The following PRKAG2 variants were observed in gnomAD, a reference collection of about 807,000 sequenced individuals.
The protein encoded by PRKAG2 is 5'-AMP-activated protein kinase subunit gamma-2.
Under a neutral mutation model 69.6 loss-of-function variants are expected in PRKAG2, and 26 were observed. That is an observed-to-expected ratio of 0.37 (90% CI 0.27 to 0.52). The LOEUF (loss-of-function observed/expected upper bound fraction) is 0.52, where lower values mean the gene tolerates loss of function less well. Among genes scored for constraint, PRKAG2 ranks in the 20% least tolerant of loss-of-function variants. The pLI is 0.90. For missense variants in PRKAG2, 557 were observed against 740.0 expected, an observed-to-expected ratio of 0.75 and a Z score of 2.87; for synonymous variants, 293 against 285.0, an observed-to-expected ratio of 1.03 and a Z score of -0.28.
chr7:151,691,406 A>G (rs1208199904), intron 3 of PRKAG2, among the ~76,000 whole-genome samples: 1 of 152,078 alleles, frequency 6.6e-6, no homozygotes, highest in Non-Finnish European at 1.5e-5. Context: ...TGCAAAACAC[A>G]TATATGATAA....
intron 4 of PRKAG2, among the ~76,000 whole-genome samples, chr7:151,653,448 C>T (rs538600299): frequency 2.0e-4 from 30 of 152,080 alleles, no homozygotes; most frequent in Admixed American, 1.6e-3. Flanking sequence ...CCCACCGATA[C>T]GACAACCTGG....
chr7:151,839,525 C>T (rs958557148), intron 1 of PRKAG2, among the ~76,000 whole-genome samples: 1 of 152,228 alleles, frequency 6.6e-6, no homozygotes, highest in Non-Finnish European at 1.5e-5. Flanking sequence ...GTCTACAGTT[C>T]CAATGCTTTC....
chr7:151,681,646 T>A (rs1833904579), intron 3 of PRKAG2, among the ~76,000 whole-genome samples: 1 of 151,908 alleles, frequency 6.6e-6, no homozygotes, highest in Non-Finnish European at 1.5e-5. Context: ...TCTGGCCCCC[T>A]CTGCCCCTCA....
intron 3 of PRKAG2, among the ~76,000 whole-genome samples, chr7:151,688,044 C>CCCCCCCCCT (rs1835026992): frequency 9.9e-6 from 1 of 101,456 alleles, no homozygotes; most frequent in Non-Finnish European, 2.3e-5. Context: ...GAAATGAGGC[C>CCCCCCCCCT]CCCCCCCGGG....
chr7:151,646,535 A>G (rs1222343964), intron 4 of PRKAG2, among the ~76,000 whole-genome samples: 2 of 152,176 alleles, frequency 1.3e-5, no homozygotes, highest in South Asian at 2.1e-4. Context: ...GTATCCTGTG[A>G]CCTTGCTAAA....
At chr7:151,672,770 T>C (rs750199618) in intron 4 of PRKAG2, among the ~76,000 whole-genome samples, 1 of 152,144 alleles carries the variant, frequency 6.6e-6, no homozygotes, top group African/African-American at 2.4e-5. Context: ...TGTTTATCCA[T>C]TCACGACATT....
At chr7:151,686,985 A>T (rs2151513374) in intron 3 of PRKAG2, among the ~76,000 whole-genome samples, 1 of 152,354 alleles carries the variant, frequency 6.6e-6, no homozygotes, top group Non-Finnish European at 1.5e-5. Context: ...TCCTAAAAGG[A>T]ATCCGGAAAA....
In PRKAG2 at chr7:151,777,073, C is replaced by T. The variant is rs776230629; in HGVS notation, c.466+4079G>A. On this transcript the variant is annotated intron_variant, in intron 3 of 15. Transcript: ENST00000287878. The surrounding 1 kb of genome is among the most constrained non-coding windows in gnomAD (Gnocchi z 4.3). ...GGGTTGGGGGACTCACTCTCTGACTCCACCTGCCTGTCTCGGCCCCTGGCT... is the reference window on the plus strand; with the variant it reads ...GGGTTGGGGGACTCACTCTCTGACTTCACCTGCCTGTCTCGGCCCCTGGCT... Among the ~76,000 whole-genome samples the T allele has an allele frequency of 2.0e-5, 3 of 152,174 alleles. No homozygotes were observed. Among genetic ancestry groups the T allele is most frequent in the Non-Finnish European group, 4.4e-5 (3 of 68,016 alleles).
At position 151,632,078 on chromosome 7, in the gene PRKAG2, C is replaced by G. The variant is rs1585369730; in HGVS notation, c.745G>C (p.Glu249Gln). ...GGCGGGGCGCACTCACCTTCGTCCT[C>G]GAACTCCAGCTTCTCCAGCATGCCG... ...EAGMLEKLEFEDEAVEDSESG... is the reference protein window; with the variant it reads ...EAGMLEKLEFQDEAVEDSESG... The change falls in exon 5 of 16, where the codon GAG becomes CAG. Residue 249 changes from glutamate (E) to glutamine (Q), a missense_variant. This residue lies in a region of PRKAG2 where 352 missense variants were observed against 356.7 expected (regional missense o/e 0.99). Transcript: ENST00000287878. The surrounding 1 kb of genome is among the most constrained non-coding windows in gnomAD (Gnocchi z 4.2). 6 of 1,407,790 alleles carry G rather than the reference C, an allele frequency of 4.3e-6. No individual in the cohort carries two copies. The highest frequency in any genetic ancestry group is 5.6e-6 in the Non-Finnish European group (6 of 1,066,708). The allele number at this position is 1,407,790 out of a possible 1,614,324, so 87.2% of individuals were successfully genotyped here.
chr7:151,677,151 G>A lies in PRKAG2; in HGVS notation c.467-1514C>T, dbSNP rs550828267. Among the ~76,000 whole-genome samples the A allele has an allele frequency of 1.1e-4, 16 of 152,294 alleles. No homozygotes were observed. In the South Asian group the frequency reaches 1.7e-3, roughly 16 times the overall value. On this transcript the variant is annotated intron_variant, in intron 3 of 15. Coordinates refer to ENST00000287878, the MANE Select transcript of PRKAG2 (RefSeq NM_016203.4). ...ATGCATGGATTGTGTTCTAAGAGAA[G>A]CAGAATCTGGCTTTGGGTCTGATAT...
At chr7:151,737,344 T>TA (rs576477445) in intron 3 of PRKAG2, among the ~76,000 whole-genome samples, 11,443 of 143,088 alleles carry the variant, frequency 0.08, 562 homozygotes, top group East Asian at 0.17. Context: ...CCATCTCTAT[T>TA]AAAAAAAAAA....
intron 5 of PRKAG2, chr7:151,631,615 T>A (rs1289996647): frequency 2.2e-6 from 1 of 451,892 alleles, no homozygotes. Context: ...ACTTTCCCCA[T>A]TAAAAAAGAA....
In PRKAG2 at chr7:151,632,045, C is replaced by T. The variant is rs968636076; in HGVS notation, c.754+24G>A. 24 of 1,345,674 alleles carry T rather than the reference C, an allele frequency of 1.8e-5. No homozygotes were observed. Among genetic ancestry groups the T allele is most frequent in the African/African-American group, 6.0e-5 (4 of 66,378 alleles). 83.4% of individuals were successfully genotyped at this position (1,345,674 alleles called of 1,614,324 possible). A position where few individuals can be genotyped will look rare whatever the true frequency, so the allele number is the denominator to read the frequency against. On this transcript the variant is annotated intron_variant, in intron 5 of 15. Coordinates refer to ENST00000287878, the MANE Select transcript of PRKAG2 (RefSeq NM_016203.4). This position sits in a 1 kb window ranked among gnomAD's most constrained non-coding sequence, Gnocchi z 4.2. ...CGGCCGGGCCGTGGGAGCGCCGGGC[C>T]GGCAGCGGGCGGGGCGCACTCACCT...
At chr7:151,579,325 G>A (rs1174825139) in intron 6 of PRKAG2, among the ~76,000 whole-genome samples, 5 of 152,014 alleles carry the variant, frequency 3.3e-5, no homozygotes, top group Admixed American at 1.3e-4. Flanking sequence ...CCTGGCCAGG[G>A]GCATCTTTTA....
At chr7:151,684,770 C>T (rs544879327) in intron 3 of PRKAG2, among the ~76,000 whole-genome samples, 2 of 152,264 alleles carry the variant, frequency 1.3e-5, no homozygotes, top group South Asian at 2.1e-4. Flanking sequence ...TGAGCCCTCT[C>T]TGACAAGTTG....
chr7:151,709,521 G>A (rs1168024166), intron 3 of PRKAG2, among the ~76,000 whole-genome samples: 1 of 152,146 alleles, frequency 6.6e-6, no homozygotes, highest in Non-Finnish European at 1.5e-5. Context: ...TTGACACTGA[G>A]TGACCTGTGT....
chr7:151,669,309 C>T (rs1316463085), intron 4 of PRKAG2, among the ~76,000 whole-genome samples: 3 of 152,192 alleles, frequency 2.0e-5, no homozygotes, highest in Admixed American at 1.3e-4. Context: ...ACTCACATTA[C>T]ATGGCTTCTG....
In PRKAG2 at chr7:151,761,236, A is replaced by G. The variant is rs529971480; in HGVS notation, c.466+19916T>C. Among the ~76,000 whole-genome samples the G allele has an allele frequency of 3.3e-5, 5 of 152,318 alleles. No individual in the cohort carries two copies. The South Asian group carries it at 8.3e-4, about 25-fold the overall frequency. ...TACTAGCCCTTCCCCAAACTAAAAC[A>G]CCATTGCAAAACTAATGAGAGGCCG... On this transcript the variant is annotated intron_variant, in intron 3 of 15. Transcript: ENST00000287878.
At chr7:151,773,028 AGAGAGAGAGAGAG>A (rs1563639426) in intron 3 of PRKAG2, among the ~76,000 whole-genome samples, 3,758 of 50,314 alleles carry the variant, frequency 0.075, 287 homozygotes, top group Non-Finnish European at 0.087. Flanking sequence ...AAAGAAAGAG[AGAGAGAGAGAGAG>A]AGAGAGAGAG....
Sources: gnomAD v4.1 joint callset for allele counts (sites outside exome capture counted in the v4.1 genomes callset) on GRCh38, gnomAD v4.1.1 for gene constraint, gnomAD v4.1.1 regional missense constraint, Gnocchi (gnomAD v3.1) non-coding constraint, MANE v1.5 for transcripts, NCBI Gene and HGNC (gene_info 2026-07-23, HGNC 2026-07-21) for gene names.